The following MTUS1 variants were observed in gnomAD, a reference collection of about 807,000 sequenced individuals.
MTUS1 encodes microtubule-associated tumor suppressor 1.
In MTUS1, 109 loss-of-function variants were observed where a neutral mutation model predicts 120.8. That is an observed-to-expected ratio of 0.90 (90% CI 0.77 to 1.06). MTUS1 has a LOEUF of 1.06. Ranked by LOEUF, MTUS1 falls within the 50% of genes least tolerant of loss-of-function variation. MTUS1 has a pLI of 0.00. For missense variants in MTUS1, 2,210 were observed against 1,486.3 expected (o/e 1.49, Z -8.01); for synonymous variants, 737 against 550.5 (o/e 1.34, Z -4.74).
At chr8:17,738,070 G>A (rs549119308) in intron 3 of MTUS1, among the ~76,000 whole-genome samples, 10 of 152,274 alleles carry the variant, frequency 6.6e-5, no homozygotes, top group Admixed American at 3.3e-4. Flanking sequence ...AGTTTCGGAC[G>A]GACTACTGTC....
At chr8:17,718,999 G>A (rs929814488) in intron 4 of MTUS1, among the ~76,000 whole-genome samples, 1 of 151,892 alleles carries the variant, frequency 6.6e-6, no homozygotes, top group African/African-American at 2.4e-5. Flanking sequence ...GCAAAACCCT[G>A]TCTCTACTGA....
At chr8:17,708,826 G>C (rs1820672784) in intron 6 of MTUS1, 1 of 152,094 alleles carries the variant, frequency 6.6e-6, no homozygotes. Context: ...CTAGCTTTAA[G>C]AGCCTACAAA....
chr8:17,652,658 A>C (rs1807267535), intron 12 of MTUS1, among the ~76,000 whole-genome samples: 1 of 152,106 alleles, frequency 6.6e-6, no homozygotes, highest in African/African-American at 2.4e-5. Flanking sequence ...CAACATGGTA[A>C]AATCCCATCT....
chr8:17,695,584 C>T (rs920520910), intron 6 of MTUS1, among the ~76,000 whole-genome samples: 1 of 152,226 alleles, frequency 6.6e-6, no homozygotes, highest in Non-Finnish European at 1.5e-5. Flanking sequence ...TTTGCTTACG[C>T]TGTCTTGGAA....
In MTUS1 at chr8:17,754,504, G is replaced by T. The variant is rs1468641523; in HGVS notation, c.1304C>A (p.Pro435His). The T allele has an allele frequency of 1.2e-6, 2 of 1,614,076 alleles. No homozygotes were observed. Among genetic ancestry groups the T allele is most frequent in the Non-Finnish European group, 1.7e-6 (2 of 1,180,022 alleles). The change falls in exon 2 of 15, where the codon CCC (proline) becomes CAC (histidine). Residue 435 changes from proline to histidine, a missense_variant. By Grantham distance (77) the Pro-to-His change is moderately conservative. Transcript: ENST00000693296. Reference protein sequence around the residue: ...TMCMSTPVLEPTKVTFSVSPI... With the variant: ...TMCMSTPVLEHTKVTFSVSPI... ...TGAAACAGAAAAGGTTACTTTTGTG[G>T]GTTCTAGGACTGGTGTTGACATGCA...
intron 6 of MTUS1, among the ~76,000 whole-genome samples, chr8:17,690,916 T>G (rs1346960374): frequency 6.6e-6 from 1 of 152,204 alleles, no homozygotes; most frequent in Non-Finnish European, 1.5e-5. Flanking sequence ...GTTGTGTTTC[T>G]AAGAAAATAA....
rs1026946615 is a variant in MTUS1 at position 17,743,534 on chromosome 8, G to A, written c.2287+70C>T. Reference sequence around the variant, plus strand: ...ACTGCTTTAGTGACAGAAGGCATTAGACCTATAATCATGACTGTCCAATTT... The same window carrying A: ...ACTGCTTTAGTGACAGAAGGCATTAAACCTATAATCATGACTGTCCAATTT... On this transcript the variant is annotated intron_variant, in intron 3 of 14. Transcript: ENST00000693296. The A allele has an allele frequency of 1.3e-5, 18 of 1,430,248 alleles. No homozygotes were observed. The East Asian group carries it at 2.5e-4, about 20-fold the overall frequency. 88.6% of individuals were successfully genotyped at this position (1,430,248 alleles called of 1,614,324 possible).
At chr8:17,675,035 A>C in intron 8 of MTUS1, 151 bp downstream of exon 8, 1 of 1,438,148 alleles carries the variant, frequency 7.0e-7, no homozygotes, top group Admixed American at 2.6e-5. Context: ...TTCAAAAGAA[A>C]TGTCGATAGT....
intron 6 of MTUS1, among the ~76,000 whole-genome samples, chr8:17,702,978 T>A (rs1428719536): frequency 1.3e-5 from 2 of 152,212 alleles, no homozygotes; most frequent in African/African-American, 4.8e-5. Flanking sequence ...AATCCTGTTA[T>A]CTTTGTAAGC....
rs115224101 is a variant in MTUS1 at position 17,759,947 on chromosome 8, G to A, written c.-154-3986C>T. 8.4e-3 allele frequency among the ~76,000 whole-genome samples: 1,271 copies of A among 151,900 alleles called. 20 individuals are homozygous for A. The highest frequency in any genetic ancestry group is 0.029 in the African/African-American group (1,208 of 41,426). ...AAAGAGATTGGGTGTGGTCGCTCAT[G>A]CCTGTAATCTCAGCACTTTGGGAGG... On this transcript the variant is annotated intron_variant, in intron 1 of 14. Transcript: ENST00000693296.
chr8:17,792,981 T>C (rs1230432009), intron 1 of MTUS1, among the ~76,000 whole-genome samples: 1 of 152,150 alleles, frequency 6.6e-6, no homozygotes, highest in Non-Finnish European at 1.5e-5. Context: ...TTTACATAAA[T>C]GCAAAACTAC....
At chr8:17,692,993 A>T (rs1160380633) in intron 6 of MTUS1, among the ~76,000 whole-genome samples, 1 of 152,186 alleles carries the variant, frequency 6.6e-6, no homozygotes, top group East Asian at 1.9e-4. Context: ...CAGCAGAAAG[A>T]ATTCTGTCTT....
chr8:17,771,192 T>A (rs1193519006), intron 1 of MTUS1, among the ~76,000 whole-genome samples: 2 of 152,130 alleles, frequency 1.3e-5, no homozygotes, highest in Admixed American at 1.3e-4. Flanking sequence ...AAGTTAATAA[T>A]AAATAAAATA....
intron 7 of MTUS1, chr8:17,681,549 A>C (rs1814506897): frequency 6.5e-6 from 1 of 154,828 alleles, no homozygotes; most frequent in Non-Finnish European, 1.5e-5. Context: ...GATTTAAATA[A>C]GGTAAGTAAG....
Position 17,720,344 on chromosome 8 carries a change from TA to T in MTUS1, c.2449+3327del, listed in dbSNP as rs78717757. Among the ~76,000 whole-genome samples, 687 of 134,270 alleles carry T rather than the reference TA, an allele frequency of 5.1e-3. 2 individuals are homozygous for T. The highest frequency in any genetic ancestry group is 9.1e-3 in the African/African-American group (330 of 36,350). 88.1% of individuals were successfully genotyped at this position (134,270 alleles called of 152,430 possible). On this transcript the variant is annotated intron_variant, in intron 4 of 14. Transcript: ENST00000693296. ...TGGGCGACAAGAGCGAAACTCCATC[TA>T]AAAAAAAAAAAAACAAAAAACAAAA...
At chr8:17,696,858 T>C (rs1423146566) in intron 6 of MTUS1, among the ~76,000 whole-genome samples, 2 of 152,208 alleles carry the variant, frequency 1.3e-5, no homozygotes, top group African/African-American at 2.4e-5. Flanking sequence ...AACTATCCAA[T>C]GAAAAACGAT....
At chr8:17,702,599 G>A (rs752249576) in intron 6 of MTUS1, among the ~76,000 whole-genome samples, 1 of 152,196 alleles carries the variant, frequency 6.6e-6, no homozygotes, top group African/African-American at 2.4e-5. Context: ...GACTATGTTA[G>A]ATGCCTCCTA....
intron 4 of MTUS1, chr8:17,721,939 C>T (rs1464927940): frequency 2.5e-6 from 4 of 1,586,222 alleles, no homozygotes; most frequent in Non-Finnish European, 2.6e-6. Flanking sequence ...GGAAAAACTG[C>T]AGCCATGTTC....
At chr8:17,738,065 C>G (rs1031255609) in intron 3 of MTUS1, among the ~76,000 whole-genome samples, 3 of 152,184 alleles carry the variant, frequency 2.0e-5, no homozygotes, top group African/African-American at 7.2e-5. Context: ...CTGCAAGTTT[C>G]GGACGGACTA....
Sources: gnomAD v4.1 joint callset for allele counts (sites outside exome capture counted in the v4.1 genomes callset) on GRCh38, gnomAD v4.1.1 for gene constraint, MANE v1.5 for transcripts, NCBI Gene and HGNC (gene_info 2026-07-23, HGNC 2026-07-21) for gene names.